The following GNPDA2 variants were observed in gnomAD, a reference collection of about 807,000 sequenced individuals.
GNPDA2 encodes the protein glucosamine-6-phosphate deaminase 2.
Under a neutral mutation model 27.0 loss-of-function variants are expected in GNPDA2, and 24 were observed. The ratio of observed to expected loss-of-function variants is 0.89; its 90% CI spans 0.64 to 1.25. GNPDA2 has a LOEUF of 1.25. GNPDA2 is among the 50% of genes most tolerant of loss of function. The pLI is 0.00. For missense variants in GNPDA2, 286 were observed against 335.1 expected, an observed-to-expected ratio of 0.85 and a Z score of 1.14; for synonymous variants, 94 against 108.4, an observed-to-expected ratio of 0.87 and a Z score of 0.83.
chr4:44,720,496 G>A (rs1023026860), intron 2 of GNPDA2, among the ~76,000 whole-genome samples: 1 of 152,122 alleles, frequency 6.6e-6, no homozygotes, highest in Admixed American at 6.6e-5. Context: ...GAGATGGTGG[G>A]AATAAGTTTT....
chr4:44,714,036 A>G (rs1717133693), intron 4 of GNPDA2, among the ~76,000 whole-genome samples: 4 of 152,126 alleles, frequency 2.6e-5, no homozygotes, highest in African/African-American at 7.2e-5. Context: ...CAATGGCACG[A>G]TATCAGCTCA....
chr4:44,720,240 C>G (rs769518843), intron 2 of GNPDA2, among the ~76,000 whole-genome samples: 5 of 152,086 alleles, frequency 3.3e-5, no homozygotes, highest in Non-Finnish European at 5.9e-5. Context: ...GAGAAACTGG[C>G]ATTATCTTTC....
chr4:44,718,084 C>G (rs958358331), intron 3 of GNPDA2, among the ~76,000 whole-genome samples: 1 of 151,842 alleles, frequency 6.6e-6, no homozygotes, highest in East Asian at 1.9e-4. Context: ...CTTCTGATTT[C>G]TAGTCCTTCA....
At chr4:44,707,581 T>A in intron 6 of GNPDA2, 171 bp downstream of exon 6, 1 of 502,050 alleles carries the variant, frequency 2.0e-6, no homozygotes, top group Non-Finnish European at 3.5e-6. Flanking sequence ...AAGGTACTAC[T>A]TTGAAGATAC....
At chr4:44,723,495 T>C (rs937511420) in intron 1 of GNPDA2, among the ~76,000 whole-genome samples, 5 of 152,166 alleles carry the variant, frequency 3.3e-5, no homozygotes, top group African/African-American at 1.2e-4. Flanking sequence ...GAACATGTGG[T>C]ATTTTTCTTT....
At chr4:44,706,676 T>C (rs1716627164) in intron 6 of GNPDA2, 1 of 151,848 alleles carries the variant, frequency 6.6e-6, no homozygotes. Context: ...TGCTACCCAG[T>C]AAGCTATGAT....
At chr4:44,706,650 A>AC (rs1716624269) in intron 6 of GNPDA2, 1 of 151,890 alleles carries the variant, frequency 6.6e-6, no homozygotes, top group Non-Finnish European at 1.5e-5. Flanking sequence ...CATTTTATGT[A>AC]CCACTGAGAA....
intron 6 of GNPDA2, chr4:44,703,480 G>A: frequency 2.0e-6 from 2 of 1,023,590 alleles, no homozygotes; most frequent in Non-Finnish European, 2.3e-6. Flanking sequence ...ATATCTAAAA[G>A]TCTATGTTGA....
intron 1 of GNPDA2, among the ~76,000 whole-genome samples, chr4:44,726,107 G>A (rs1216542013): frequency 3.3e-5 from 5 of 152,162 alleles, no homozygotes; most frequent in Non-Finnish European, 5.9e-5. Flanking sequence ...GGGAGGCGGG[G>A]GCTGCAGATT....
rs1716321217 is a variant in GNPDA2 at position 44,702,282 on chromosome 4, T to C, written c.*799A>G. ...TCGTATTATTCTTTTAGACATTTTA[T>C]AAGGAATAAAGCTAATTGTATATTA... On this transcript the variant is annotated 3_prime_UTR_variant, in exon 7 of 7. Transcript: ENST00000295448. The C allele has an allele frequency of 6.3e-6, 4 of 634,210 alleles. No individual in the cohort carries two copies. The highest frequency in any genetic ancestry group is 1.3e-4 in the Admixed American group (2 of 15,826). 39.3% of individuals were successfully genotyped at this position (634,210 alleles called of 1,614,324 possible). A position where few individuals can be genotyped will look rare whatever the true frequency, so the allele number is the denominator to read the frequency against.
At chr4:44,719,332 A>G (rs1307641446) in intron 2 of GNPDA2, among the ~76,000 whole-genome samples, 3 of 151,994 alleles carry the variant, frequency 2.0e-5, no homozygotes, top group Non-Finnish European at 4.4e-5. Flanking sequence ...TTCCAACCCA[A>G]GTATTATACA....
At position 44,704,642 on chromosome 4, in the gene GNPDA2, C is replaced by T. The variant is rs569987940; in HGVS notation, c.770-1500G>A. On this transcript the variant is annotated intron_variant, in intron 6 of 6. Coordinates refer to ENST00000295448, the MANE Select transcript of GNPDA2 (RefSeq NM_138335.3). ...GTAAAAACTGACAACTTTCTACATA[C>T]GAATTTTATATAAATAAATAATTGC... The T allele has an allele frequency of 1.8e-4, 156 of 880,668 alleles. 1 individual carries two copies. In the South Asian group the frequency reaches 2.6e-3, roughly 14 times the overall value. 54.6% of individuals were successfully genotyped at this position (880,668 alleles called of 1,614,324 possible).
chr4:44,724,233 T>G lies in GNPDA2; in HGVS notation c.-35-1991A>C, dbSNP rs1478954071. 2.0e-5 allele frequency among the ~76,000 whole-genome samples: 3 copies of G among 152,198 alleles called. No homozygotes were observed. The East Asian group carries it at 5.8e-4, about 29-fold the overall frequency. On this transcript the variant is annotated intron_variant, in intron 1 of 6. Transcript: ENST00000295448. Reference sequence around the variant, plus strand: ...CCTTAGATTTCCTGCCCCCAGACCTTGGTGTTTTCCTTTGATTTAGCTTTA... The same window carrying G: ...CCTTAGATTTCCTGCCCCCAGACCTGGGTGTTTTCCTTTGATTTAGCTTTA...
Position 44,707,740 on chromosome 4 carries a change from T to G in GNPDA2, c.769+12A>C, listed in dbSNP as rs1384404134. 3.1e-6 allele frequency: 5 copies of G among 1,608,714 alleles called. No homozygotes were observed. Among genetic ancestry groups the G allele is most frequent in the Non-Finnish European group, 4.3e-6 (5 of 1,176,254 alleles). On this transcript the variant is annotated intron_variant, in intron 6 of 6. Coordinates refer to ENST00000295448, the MANE Select transcript of GNPDA2 (RefSeq NM_138335.3). ...AGATTATCTCAGTCGGCTTTTGAAA[T>G]TCAGTGCTCACCTTTAAAGTATTTC...
intron 5 of GNPDA2, 39 bp from the exon 6 acceptor site, chr4:44,707,965 A>C: frequency 7.0e-7 from 1 of 1,427,190 alleles, no homozygotes; most frequent in Non-Finnish European, 9.5e-7. Flanking sequence ...AACTTGTTCC[A>C]AATGAGTAAG....
At chr4:44,709,800 CAAAAAAA>C (rs36001584) in intron 5 of GNPDA2, among the ~76,000 whole-genome samples, 1 of 145,360 alleles carries the variant, frequency 6.9e-6, no homozygotes, top group African/African-American at 2.6e-5. Context: ...TTGTCACTTC[CAAAAAAA>C]AAAAAATGAA....
At chr4:44,720,746 C>T (rs946452614) in intron 2 of GNPDA2, among the ~76,000 whole-genome samples, 4 of 152,056 alleles carry the variant, frequency 2.6e-5, no homozygotes, top group Non-Finnish European at 5.9e-5. Context: ...AAAATTTCAA[C>T]AAGGTTTTCC....
At position 44,703,038 on chromosome 4, in the gene GNPDA2, A is replaced by G; in HGVS notation, c.*43T>C. The G allele has an allele frequency of 6.2e-7, 1 of 1,606,006 alleles. No homozygotes were observed. Among genetic ancestry groups the G allele is most frequent in the Admixed American group, 1.7e-5 (1 of 58,434 alleles). On this transcript the variant is annotated 3_prime_UTR_variant, in exon 7 of 7. Coordinates refer to ENST00000295448, the MANE Select transcript of GNPDA2 (RefSeq NM_138335.3). ...TGAAAATTCATCTACTACTTAGTAA[A>G]AAGTGCTCTGTTCATTCAAGCTGAA...
rs758415620 is a variant in GNPDA2 at position 44,702,119 on chromosome 4, G to A, written c.*962C>T. 2.1e-6 allele frequency: 2 copies of A among 965,812 alleles called. No individual in the cohort carries two copies. Among genetic ancestry groups the A allele is most frequent in the Non-Finnish European group, 2.5e-6 (2 of 811,772 alleles). 59.8% of individuals were successfully genotyped at this position (965,812 alleles called of 1,614,324 possible). ...TATAATTGTTGGGAGTCGAATGCAT[G>A]TATTCTTCAGGTTCACTTCTGGAAA... On this transcript the variant is annotated 3_prime_UTR_variant, in exon 7 of 7. Coordinates refer to ENST00000295448, the MANE Select transcript of GNPDA2 (RefSeq NM_138335.3).
Sources: allele counts gnomAD v4.1 joint callset (sites outside exome capture counted in the v4.1 genomes callset), GRCh38; gene constraint gnomAD v4.1.1; transcripts MANE v1.5; gene names NCBI Gene and HGNC (gene_info 2026-07-23, HGNC 2026-07-21).